CRADD: variants seen among roughly 807,000 people sequenced by gnomAD.
The protein encoded by CRADD is CARD and death domain containing adaptor protein.
A neutral mutation model predicts 15.5 loss-of-function variants in CRADD; 9 were observed. The ratio of observed to expected loss-of-function variants is 0.58; its 90% CI spans 0.35 to 1.01. CRADD has a LOEUF of 1.01. Ranked by LOEUF, CRADD falls within the 50% of genes least tolerant of loss-of-function variation. CRADD has a pLI of 0.02. For missense variants in CRADD, 227 were observed against 250.3 expected, an observed-to-expected ratio of 0.91 and a Z score of 0.63; for synonymous variants, 118 against 107.6, an observed-to-expected ratio of 1.10 and a Z score of -0.60.
intron 2 of CRADD, among the ~76,000 whole-genome samples, chr12:93,830,001 A>G (rs963006860): frequency 6.6e-5 from 10 of 152,004 alleles, no homozygotes; most frequent in African/African-American, 1.9e-4. Flanking sequence ...GGTTATTTCA[A>G]CAGTTGCTTA....
intron 1 of CRADD, 174 bp downstream of exon 1, chr12:93,677,646 T>A (rs1372778460): frequency 6.6e-6 from 1 of 152,308 alleles, no homozygotes; most frequent in Non-Finnish European, 1.5e-5. Context: ...GCTCTTTAGT[T>A]CATTCCCAGC....
intron 2 of CRADD, among the ~76,000 whole-genome samples, chr12:93,725,243 G>A (rs1190087123): frequency 1.3e-5 from 2 of 151,948 alleles, no homozygotes; most frequent in African/African-American, 4.8e-5. Context: ...TTTACCAGTG[G>A]TCCAGTATGG....
chr12:93,839,025 G>C (rs1360395181), intron 2 of CRADD, among the ~76,000 whole-genome samples: 2 of 151,722 alleles, frequency 1.3e-5, no homozygotes, highest in Non-Finnish European at 2.9e-5. Context: ...CACCCGCCTC[G>C]ACCTCCCAAA....
At chr12:93,773,663 C>T (rs1377000044) in intron 2 of CRADD, among the ~76,000 whole-genome samples, 1 of 151,954 alleles carries the variant, frequency 6.6e-6, no homozygotes, top group Non-Finnish European at 1.5e-5. Context: ...TTTCTAAGGC[C>T]TTGGAACCCT....
At chr12:93,838,829 G>C (rs1206831734) in intron 2 of CRADD, among the ~76,000 whole-genome samples, 1 of 151,788 alleles carries the variant, frequency 6.6e-6, no homozygotes, top group African/African-American at 2.4e-5. Context: ...CACAATCAGG[G>C]TTCACTGCAG....
At chr12:93,827,662 A>G (rs900936815) in intron 2 of CRADD, among the ~76,000 whole-genome samples, 1 of 152,154 alleles carries the variant, frequency 6.6e-6, no homozygotes, top group African/African-American at 2.4e-5. Context: ...GTCCCATTTT[A>G]TGATTCTATC....
chr12:93,879,004 A>G (rs537534569), intron 2 of CRADD, among the ~76,000 whole-genome samples: 28 of 152,128 alleles, frequency 1.8e-4, no homozygotes, highest in Admixed American at 3.9e-4. Context: ...AATCTCCCAC[A>G]ATTTTTATTA....
intron 2 of CRADD, among the ~76,000 whole-genome samples, chr12:93,728,452 C>T (rs748934921): frequency 1.3e-5 from 2 of 152,216 alleles, no homozygotes; most frequent in Non-Finnish European, 2.9e-5. Flanking sequence ...ACGTCAATAT[C>T]ACTTTTTGTC....
intron 2 of CRADD, among the ~76,000 whole-genome samples, chr12:93,682,408 G>A (rs938831457): frequency 3.3e-5 from 5 of 152,124 alleles, no homozygotes; most frequent in African/African-American, 1.2e-4. Context: ...GGATTCAGTA[G>A]TCTCTTGGGA....
chr12:93,886,134 A>C (rs1016099951), intron 2 of CRADD, among the ~76,000 whole-genome samples: 1 of 150,872 alleles, frequency 6.6e-6, no homozygotes, highest in African/African-American at 2.4e-5. Flanking sequence ...CTGCCAAGCT[A>C]AGATGGACAT....
chr12:93,752,721 C>T (rs1956841425), intron 2 of CRADD, among the ~76,000 whole-genome samples: 1 of 152,174 alleles, frequency 6.6e-6, no homozygotes, highest in South Asian at 2.1e-4. Flanking sequence ...CACAGTTCCA[C>T]ATGGCAGGGG....
At chr12:93,702,344 C>A (rs1955858278) in intron 2 of CRADD, among the ~76,000 whole-genome samples, 1 of 151,490 alleles carries the variant, frequency 6.6e-6, no homozygotes, top group Admixed American at 6.6e-5. Context: ...GGGAGCTGGC[C>A]TAGGGAGAGA....
chr12:93,704,135 G>T (rs1363262123), intron 2 of CRADD, among the ~76,000 whole-genome samples: 1 of 151,630 alleles, frequency 6.6e-6, no homozygotes, highest in Non-Finnish European at 1.5e-5. Context: ...TGGAGCCTTT[G>T]TGTGAATAAT....
chr12:93,865,245 C>T (rs11107226), intron 2 of CRADD, among the ~76,000 whole-genome samples: 1 of 152,174 alleles, frequency 6.6e-6, no homozygotes. Flanking sequence ...CCCACTCCCC[C>T]AACCCCTGCC....
At chr12:93,792,175 T>C (rs1325116075) in intron 2 of CRADD, among the ~76,000 whole-genome samples, 2 of 152,158 alleles carry the variant, frequency 1.3e-5, no homozygotes, top group African/African-American at 4.8e-5. Context: ...AAAAATAGAA[T>C]GTCTTAGGGG....
At chr12:93,705,005 GC>G (rs1256031345) in intron 2 of CRADD, among the ~76,000 whole-genome samples, 3 of 152,176 alleles carry the variant, frequency 2.0e-5, no homozygotes, top group Non-Finnish European at 4.4e-5. Context: ...GTCACTTTCT[GC>G]AACATTATCC....
intron 2 of CRADD, among the ~76,000 whole-genome samples, chr12:93,780,587 G>A (rs1957195896): frequency 6.6e-6 from 1 of 152,116 alleles, no homozygotes; most frequent in Non-Finnish European, 1.5e-5. Context: ...GTTTTCAACA[G>A]GATTGCATTT....
chr12:93,835,383 C>G (rs1413112815), intron 2 of CRADD, among the ~76,000 whole-genome samples: 1 of 152,164 alleles, frequency 6.6e-6, no homozygotes, highest in South Asian at 2.1e-4. Context: ...TTTCTTGGAA[C>G]TGGAAATTTA....
chr12:93,826,232 A>G (rs1413858672), intron 2 of CRADD, among the ~76,000 whole-genome samples: 1 of 152,264 alleles, frequency 6.6e-6, no homozygotes, highest in Non-Finnish European at 1.5e-5. Context: ...AGAAATGAAT[A>G]AAACTATCAA....
Sources: gnomAD v4.1 joint callset for allele counts (sites outside exome capture counted in the v4.1 genomes callset) on GRCh38, gnomAD v4.1.1 for gene constraint, MANE v1.5 for transcripts, NCBI Gene and HGNC (gene_info 2026-07-23, HGNC 2026-07-21) for gene names.